Variants in CCDC91 observed in about 807,000 individuals in gnomAD.
The protein encoded by CCDC91 is coiled-coil domain-containing protein 91.
CCDC91 carries 48 observed loss-of-function variants against 63.2 expected under a neutral mutation model. That is an observed-to-expected ratio of 0.76 (90% CI 0.60 to 0.97). CCDC91 has a LOEUF of 0.97. Among genes scored for constraint, CCDC91 ranks in the 50% least tolerant of loss-of-function variants. The pLI is 0.00. For missense variants in CCDC91, 500 were observed against 494.6 expected (o/e 1.01, Z -0.10); for synonymous variants, 167 against 165.8 (o/e 1.01, Z -0.06).
chr12:28,351,028 C>T (rs1943149681), intron 6 of CCDC91, among the ~76,000 whole-genome samples: 1 of 152,158 alleles, frequency 6.6e-6, no homozygotes, highest in African/African-American at 2.4e-5. Flanking sequence ...CCGTGTTCTT[C>T]CTGGCCCCAC....
intron 8 of CCDC91, among the ~76,000 whole-genome samples, chr12:28,409,850 A>G (rs996413386): frequency 2.0e-5 from 3 of 151,884 alleles, no homozygotes; most frequent in Non-Finnish European, 2.9e-5. Flanking sequence ...TGTTTTTCAG[A>G]TGTATTTCTT....
At chr12:28,368,804 A>G (rs1332689100) in intron 7 of CCDC91, among the ~76,000 whole-genome samples, 2 of 151,760 alleles carry the variant, frequency 1.3e-5, no homozygotes, top group South Asian at 2.1e-4. Flanking sequence ...CACCTTCTTC[A>G]CAAGGCAGCA....
intron 3 of CCDC91, among the ~76,000 whole-genome samples, chr12:28,265,033 TAGC>T (rs1467764822): frequency 6.6e-6 from 1 of 152,076 alleles, no homozygotes; most frequent in African/African-American, 2.4e-5. Flanking sequence ...AAATCTTTGA[TAGC>T]AGCTACATGA....
At chr12:28,252,407 G>A (rs1257674667) in intron 1 of CCDC91, among the ~76,000 whole-genome samples, 1 of 151,636 alleles carries the variant, frequency 6.6e-6, no homozygotes, top group African/African-American at 2.4e-5. Flanking sequence ...CTAATAATTA[G>A]ATATTACGTA....
chr12:28,373,605 T>C (rs1403209556), intron 7 of CCDC91, among the ~76,000 whole-genome samples: 2 of 56,174 alleles, frequency 3.6e-5, no homozygotes, highest in African/African-American at 7.7e-5. Flanking sequence ...TTAATACAAG[T>C]TTCTATACAT....
intron 8 of CCDC91, among the ~76,000 whole-genome samples, chr12:28,404,560 T>A (rs1466082494): frequency 6.6e-6 from 1 of 152,116 alleles, no homozygotes; most frequent in Non-Finnish European, 1.5e-5. Flanking sequence ...ATTTTTTGCC[T>A]GCTAGATCTA....
intron 7 of CCDC91, among the ~76,000 whole-genome samples, chr12:28,378,139 C>G (rs1038289186): frequency 1.3e-5 from 2 of 151,966 alleles, no homozygotes; most frequent in African/African-American, 4.8e-5. Context: ...TTTAGTAGCT[C>G]TAAAATCATT....
At chr12:28,275,748 C>G (rs2136464192) in intron 3 of CCDC91, among the ~76,000 whole-genome samples, 1 of 152,230 alleles carries the variant, frequency 6.6e-6, no homozygotes, top group South Asian at 2.1e-4. Context: ...CCAAATCCAG[C>G]AGCACATCAA....
At chr12:28,428,383 C>T (rs1305538559) in intron 8 of CCDC91, among the ~76,000 whole-genome samples, 3 of 151,710 alleles carry the variant, frequency 2.0e-5, no homozygotes, top group Admixed American at 6.6e-5. Flanking sequence ...CCAGCCTGAC[C>T]GACAAGGAGA....
intron 11 of CCDC91, among the ~76,000 whole-genome samples, chr12:28,474,484 A>T (rs574417667): frequency 1.3e-5 from 2 of 152,234 alleles, no homozygotes; most frequent in South Asian, 4.1e-4. Context: ...GCTCATTGGT[A>T]GTAGATTGCT....
intron 6 of CCDC91, among the ~76,000 whole-genome samples, chr12:28,314,076 T>A (rs1177111417): frequency 6.6e-6 from 1 of 152,028 alleles, no homozygotes; most frequent in Non-Finnish European, 1.5e-5. Flanking sequence ...ACTTTGGGAA[T>A]TTTTTGTGTA....
intron 6 of CCDC91, among the ~76,000 whole-genome samples, chr12:28,329,583 T>C (rs962617580): frequency 1.3e-5 from 2 of 152,180 alleles, no homozygotes; most frequent in East Asian, 1.9e-4. Flanking sequence ...ATAGATCTTA[T>C]AAATTGTCAG....
chr12:28,274,218 G>A (rs1262685658), intron 3 of CCDC91, among the ~76,000 whole-genome samples: 2 of 152,138 alleles, frequency 1.3e-5, no homozygotes, highest in Non-Finnish European at 2.9e-5. Flanking sequence ...TTTGGTACCA[G>A]TACCATGGTG....
intron 3 of CCDC91, among the ~76,000 whole-genome samples, chr12:28,286,224 T>C (rs1249985330): frequency 1.3e-5 from 2 of 152,074 alleles, no homozygotes; most frequent in Non-Finnish European, 2.9e-5. Flanking sequence ...TAAAAAACTT[T>C]TATTTTAAGT....
intron 3 of CCDC91, among the ~76,000 whole-genome samples, chr12:28,288,895 G>A (rs1391674016): frequency 6.6e-6 from 1 of 152,052 alleles, no homozygotes; most frequent in Non-Finnish European, 1.5e-5. Context: ...TTAATTTCTT[G>A]CTGGTTCAGT....
intron 3 of CCDC91, among the ~76,000 whole-genome samples, chr12:28,285,630 G>A (rs1414694714): frequency 8.5e-6 from 1 of 117,278 alleles, no homozygotes; most frequent in South Asian, 3.2e-4. Flanking sequence ...CCCTTTCTCT[G>A]GATAATACTT....
intron 7 of CCDC91, among the ~76,000 whole-genome samples, chr12:28,372,819 A>C (rs1415318515): frequency 6.6e-6 from 1 of 152,094 alleles, no homozygotes; most frequent in Non-Finnish European, 1.5e-5. Flanking sequence ...GATGCACTTT[A>C]TTTCTTTCTC....
chr12:28,236,883 A>G (rs1944982153), intron 1 of CCDC91: 2 of 152,096 alleles, frequency 1.3e-5, no homozygotes, highest in African/African-American at 2.4e-5. Flanking sequence ...TTTATGTAAC[A>G]ATATAATGGT....
intron 8 of CCDC91, among the ~76,000 whole-genome samples, chr12:28,398,874 A>G (rs1474821081): frequency 6.6e-6 from 1 of 152,176 alleles, no homozygotes; most frequent in Non-Finnish European, 1.5e-5. Flanking sequence ...TGAGTTTTTC[A>G]TAAATTCCAG....
Sources: gnomAD v4.1 joint callset for allele counts (sites outside exome capture counted in the v4.1 genomes callset) on GRCh38, gnomAD v4.1.1 for gene constraint, MANE v1.5 for transcripts, NCBI Gene and HGNC (gene_info 2026-07-23, HGNC 2026-07-21) for gene names.